RGS5: variants seen among roughly 807,000 people sequenced by gnomAD.
RGS5 encodes regulator of G protein signaling 5.
In RGS5, 20 loss-of-function variants were observed where a neutral mutation model predicts 18.9. That is an observed-to-expected ratio of 1.06 (90% CI 0.74 to 1.54). The LOEUF (loss-of-function observed/expected upper bound fraction) is 1.54. RGS5 is among the 40% of genes most tolerant of loss of function. The pLI, the probability that RGS5 is intolerant of heterozygous loss-of-function variation, is 0.00. For synonymous variants in RGS5, 57 were observed against 76.2 expected, an observed-to-expected ratio of 0.75 and a Z score of 1.31; for missense variants, 201 against 211.8, an observed-to-expected ratio of 0.95 and a Z score of 0.32.
chr1:163,316,365 T>C (rs529574299), intron 1 of RGS5, among the ~76,000 whole-genome samples: 136 of 152,370 alleles, frequency 8.9e-4, no homozygotes, highest in African/African-American at 3.1e-3. Context: ...TCAAAGATTT[T>C]GTCTCATGCC....
At chr1:163,239,481 G>T (rs1338981416) in intron 2 of RGS5, among the ~76,000 whole-genome samples, 1 of 140,780 alleles carries the variant, frequency 7.1e-6, no homozygotes, top group African/African-American at 2.6e-5. Flanking sequence ...GCAAGAATCC[G>T]TCTCTTAAAA....
intron 2 of RGS5, among the ~76,000 whole-genome samples, chr1:163,299,299 T>C (rs1483452917): frequency 1.3e-5 from 2 of 152,166 alleles, no homozygotes; most frequent in Admixed American, 6.6e-5. Flanking sequence ...GAGAAGCCAG[T>C]TGAGGAATGA....
chr1:163,256,176 T>A (rs1055162840), intron 2 of RGS5, among the ~76,000 whole-genome samples: 1 of 152,170 alleles, frequency 6.6e-6, no homozygotes. Context: ...AAATTGTCCC[T>A]GTTTGCAGAT....
chr1:163,241,337 G>A (rs964662036), intron 2 of RGS5, among the ~76,000 whole-genome samples: 1 of 152,146 alleles, frequency 6.6e-6, no homozygotes, highest in African/African-American at 2.4e-5. Flanking sequence ...GACCTCTGTG[G>A]CTTATTTGAA....
In RGS5 at chr1:163,143,623, T is replaced by A. The variant is rs1319574574; in HGVS notation, c.*3719A>T. 1 of 152,180 alleles carries A rather than the reference T, an allele frequency of 6.6e-6. No individual in the cohort carries two copies. Among genetic ancestry groups the A allele is most frequent in the Non-Finnish European group, 1.5e-5 (1 of 68,026 alleles). 9.4% of individuals were successfully genotyped at this position (152,180 alleles called of 1,614,324 possible). Reference sequence around the variant, plus strand: ...TACGTTCATAGGTCTGAGCACTTACTTTTTAACCTCTTCCCTTCTCCCCTT... The same window carrying A: ...TACGTTCATAGGTCTGAGCACTTACATTTTAACCTCTTCCCTTCTCCCCTT... On this transcript the variant is annotated 3_prime_UTR_variant, in exon 5 of 5. Transcript: ENST00000313961.
intron 2 of RGS5, among the ~76,000 whole-genome samples, chr1:163,293,115 C>T (rs1430284562): frequency 1.3e-5 from 2 of 152,214 alleles, no homozygotes; most frequent in East Asian, 1.9e-4. Flanking sequence ...AATGGTATTG[C>T]CTGGGTTGTC....
intron 2 of RGS5, among the ~76,000 whole-genome samples, chr1:163,264,881 T>C (rs924248121): frequency 8.5e-5 from 13 of 152,118 alleles, no homozygotes; most frequent in Non-Finnish European, 1.8e-4. Flanking sequence ...ATGAATCTCC[T>C]ACTCTCACTA....
chr1:163,264,016 T>A (rs749098005), intron 2 of RGS5, among the ~76,000 whole-genome samples: 6 of 152,016 alleles, frequency 3.9e-5, no homozygotes, highest in Non-Finnish European at 7.4e-5. Context: ...GACTGATGTA[T>A]GTATGTAAGC....
chr1:163,225,066 C>T (rs1647304008), intron 2 of RGS5, among the ~76,000 whole-genome samples: 1 of 152,054 alleles, frequency 6.6e-6, no homozygotes. Context: ...ACTTTTGTTG[C>T]CTATGCTTTT....
At chr1:163,262,403 C>T (rs1252817847) in intron 2 of RGS5, among the ~76,000 whole-genome samples, 1 of 79,498 alleles carries the variant, frequency 1.3e-5, no homozygotes, top group Admixed American at 1.4e-4. Context: ...TGAGAATATG[C>T]GGTGTTTGGT....
chr1:163,238,201 T>C (rs1647680876), intron 2 of RGS5, among the ~76,000 whole-genome samples: 1 of 152,194 alleles, frequency 6.6e-6, no homozygotes, highest in South Asian at 2.1e-4. Flanking sequence ...AAAATACTCT[T>C]ACTAATTAAA....
chr1:163,204,880 T>C (rs1659905335), upstream of RGS5, among the ~76,000 whole-genome samples: 1 of 152,006 alleles, frequency 6.6e-6, no homozygotes, highest in Non-Finnish European at 1.5e-5. Flanking sequence ...AAACCCCAAG[T>C]TTAACGTAGA....
At chr1:163,263,466 GT>G (rs767458986) in intron 2 of RGS5, among the ~76,000 whole-genome samples, 1 of 152,090 alleles carries the variant, frequency 6.6e-6, no homozygotes, top group Non-Finnish European at 1.5e-5. Flanking sequence ...GTATAACTTA[GT>G]TACCATTTGT....
At chr1:163,150,976 G>A (rs573185008) in intron 4 of RGS5, among the ~76,000 whole-genome samples, 7 of 152,224 alleles carry the variant, frequency 4.6e-5, no homozygotes, top group African/African-American at 7.2e-5. Context: ...GATCACCTCC[G>A]TGCTTGACTC....
At chr1:163,157,870 G>A (rs1657649959) in intron 3 of RGS5, among the ~76,000 whole-genome samples, 1 of 152,026 alleles carries the variant, frequency 6.6e-6, no homozygotes, top group Admixed American at 6.6e-5. Flanking sequence ...CAGAGATGGG[G>A]TCTTTTTATG....
intron 2 of RGS5, among the ~76,000 whole-genome samples, chr1:163,259,077 T>C (rs1648354248): frequency 6.6e-6 from 1 of 152,184 alleles, no homozygotes; most frequent in East Asian, 1.9e-4. Flanking sequence ...AGTTTATTTC[T>C]TCATTTTGTC....
intron 2 of RGS5, among the ~76,000 whole-genome samples, chr1:163,234,944 A>C (rs551793666): frequency 6.6e-6 from 1 of 152,148 alleles, no homozygotes; most frequent in Non-Finnish European, 1.5e-5. Context: ...TTGGAGGTAG[A>C]AGCTACAAGA....
At chr1:163,157,915 C>T (rs999377002) in intron 3 of RGS5, among the ~76,000 whole-genome samples, 11 of 152,008 alleles carry the variant, frequency 7.2e-5, no homozygotes, top group Admixed American at 5.9e-4. Context: ...TGGCCTCAAG[C>T]GATCCTCCTG....
chr1:163,298,082 A>C (rs909920448), intron 2 of RGS5, among the ~76,000 whole-genome samples: 3 of 150,760 alleles, frequency 2.0e-5, no homozygotes, highest in Non-Finnish European at 3.0e-5. Flanking sequence ...TCCTTGTTTG[A>C]TATAACAAAT....
Sources: allele counts gnomAD v4.1 joint callset (sites outside exome capture counted in the v4.1 genomes callset), GRCh38; gene constraint gnomAD v4.1.1; transcripts MANE v1.5; gene names NCBI Gene and HGNC (gene_info 2026-07-23, HGNC 2026-07-21).